The following MED20 variants were observed in gnomAD, a reference collection of about 807,000 sequenced individuals.
MED20 encodes the protein mediator of RNA polymerase II transcription subunit 20.
In MED20, 19 loss-of-function variants were observed where a neutral mutation model predicts 19.7. The observed-to-expected ratio is 0.96, with a 90% confidence interval of 0.67 to 1.42. The LOEUF (loss-of-function observed/expected upper bound fraction) is 1.42, where lower values mean the gene tolerates loss of function less well. MED20 is among the 40% of genes most tolerant of loss of function. The pLI is 0.00. For missense variants in MED20, 225 were observed against 273.0 expected (o/e 0.82, Z 1.24); for synonymous variants, 105 against 104.8 (o/e 1.00, Z -0.01).
At chr6:41,907,591 G>A (rs1034837976) in intron 3 of MED20, among the ~76,000 whole-genome samples, 1 of 152,124 alleles carries the variant, frequency 6.6e-6, no homozygotes, top group African/African-American at 2.4e-5. Context: ...GCTATGCTGG[G>A]TAAAGATTCA....
Position 41,906,259 on chromosome 6 carries a change from G to A in MED20, c.*813C>T, listed in dbSNP as rs1775044562. 6.6e-6 allele frequency: 1 copy of A among 152,152 alleles called. No homozygotes were observed. The highest frequency in any genetic ancestry group is 1.5e-5 in the Non-Finnish European group (1 of 68,042). 9.4% of individuals were successfully genotyped at this position (152,152 alleles called of 1,614,324 possible). ...CTTTTCTCTCTCTCTTTCCCCAGTG[G>A]AATGCAGATATGGAGCTGATGAGTC... On this transcript the variant is annotated 3_prime_UTR_variant, in exon 4 of 4. Transcript: ENST00000265350.
chr6:41,908,904 C>A, intron 3 of MED20: 1 of 304,300 alleles, frequency 3.3e-6, no homozygotes, highest in South Asian at 1.3e-4. Flanking sequence ...GACTGGAGGC[C>A]AGGTGTGTTG....
At position 41,909,477 on chromosome 6, in the gene MED20, G is replaced by A. The variant is rs1217284561; in HGVS notation, c.215C>T (p.Pro72Leu). 1 of 1,614,232 alleles carries A rather than the reference G, an allele frequency of 6.2e-7. No homozygotes were observed. The highest frequency in any genetic ancestry group is 1.7e-5 in the Admixed American group (1 of 60,020). ...LMYVMHNSEYPLSCFALFENG... is the reference protein window; with the variant it reads ...LMYVMHNSEYLLSCFALFENG... ...CTCAAAGAGGGCGAAACAGCTCAAT[G>A]GGTACTCTGAGTTGTGCATCACATA... The change falls in exon 3 of 4, where the codon CCA (proline) becomes CTA (leucine). Residue 72 changes from proline (P) to leucine (L), a missense_variant. Pro to Leu is a moderately conservative substitution (Grantham distance 98). Transcript: ENST00000265350.
At chr6:41,920,783 CAAA>C in intron 1 of MED20, 1 of 501,220 alleles carries the variant, frequency 2.0e-6, no homozygotes, top group Non-Finnish European at 3.4e-6. Context: ...AAAAACAAAA[CAAA>C]ACAAAAAAAA....
chr6:41,911,222 C>T (rs1775186990), intron 2 of MED20, among the ~76,000 whole-genome samples: 1 of 150,378 alleles, frequency 6.6e-6, no homozygotes, highest in Non-Finnish European at 1.5e-5. Flanking sequence ...GCAATCTTGG[C>T]TCACTGCAAC....
intron 2 of MED20, among the ~76,000 whole-genome samples, chr6:41,911,409 C>T (rs529296756): frequency 2.6e-5 from 4 of 152,122 alleles, no homozygotes; most frequent in East Asian, 2.0e-4. Context: ...CCTCAGCCTC[C>T]GAAAGGGCTG....
intron 2 of MED20, among the ~76,000 whole-genome samples, chr6:41,913,758 C>T (rs1462994705): frequency 6.6e-6 from 1 of 151,960 alleles, no homozygotes; most frequent in African/African-American, 2.4e-5. Flanking sequence ...ATGAGCCAGG[C>T]GTGGTGGAGC....
intron 3 of MED20, 98 bp from the exon 4 acceptor site, chr6:41,907,385 C>A: frequency 8.5e-7 from 1 of 1,182,088 alleles, no homozygotes; most frequent in Non-Finnish European, 1.2e-6. Context: ...TTCCCCAACC[C>A]CGAGCTAAAG....
intron 3 of MED20, 28 bp downstream of exon 3, chr6:41,909,241 C>T (rs764569027): frequency 6.2e-7 from 1 of 1,606,986 alleles, no homozygotes; most frequent in Non-Finnish European, 8.5e-7. Flanking sequence ...CTCAGAACAT[C>T]CTGCTCCTAT....
intron 2 of MED20, among the ~76,000 whole-genome samples, chr6:41,914,860 C>T (rs920352858): frequency 6.6e-6 from 1 of 152,074 alleles, no homozygotes; most frequent in African/African-American, 2.4e-5. Flanking sequence ...TGTAAGAAAA[C>T]GGGAACTCTA....
chr6:41,906,859 C>A lies in MED20; in HGVS notation c.*213G>T. On this transcript the variant is annotated 3_prime_UTR_variant, in exon 4 of 4. Transcript: ENST00000265350. Reference sequence around the variant, plus strand: ...AGGACAGGCCAAATCCAGTAAGGCACGGAGTAAAACAGCTGATGGGGGGCT... The same window carrying A: ...AGGACAGGCCAAATCCAGTAAGGCAAGGAGTAAAACAGCTGATGGGGGGCT... 1 of 560,590 alleles carries A rather than the reference C, an allele frequency of 1.8e-6. No individual in the cohort carries two copies. Among genetic ancestry groups the A allele is most frequent in the South Asian group, 2.3e-5 (1 of 43,082 alleles). The allele number at this position is 560,590 out of a possible 1,614,324, so 34.7% of individuals were successfully genotyped here.
chr6:41,919,053 C>T (rs1477093711), intron 1 of MED20, among the ~76,000 whole-genome samples: 7 of 145,084 alleles, frequency 4.8e-5, no homozygotes, highest in Admixed American at 1.5e-4. Context: ...GGCATGAACC[C>T]GGGAGGCGGA....
In MED20 at chr6:41,907,050, C is replaced by T; in HGVS notation, c.*22G>A. The T allele has an allele frequency of 1.9e-6, 3 of 1,610,120 alleles. No homozygotes were observed. The highest frequency in any genetic ancestry group is 1.1e-5 in the South Asian group (1 of 90,916). On this transcript the variant is annotated 3_prime_UTR_variant, in exon 4 of 4. Coordinates refer to ENST00000265350, the MANE Select transcript of MED20 (RefSeq NM_004275.5). ...CTGTGGAGTACCCCTGGTGACAGAG[C>T]TCAGCTGGCAGCTGCTCATCACTAA...
At chr6:41,910,072 T>TTG (rs1440050783) in intron 2 of MED20, among the ~76,000 whole-genome samples, 1 of 152,128 alleles carries the variant, frequency 6.6e-6, no homozygotes, top group East Asian at 1.9e-4. Flanking sequence ...ATCCAAGCTG[T>TTG]GATAGGTCTT....
intron 1 of MED20, among the ~76,000 whole-genome samples, chr6:41,919,677 G>C (rs1283876296): frequency 6.6e-6 from 1 of 152,102 alleles, no homozygotes; most frequent in Non-Finnish European, 1.5e-5. Context: ...TGTCTATAAT[G>C]CCAATACTTT....
At chr6:41,915,042 G>T (rs535060597) in intron 2 of MED20, among the ~76,000 whole-genome samples, 1 of 152,308 alleles carries the variant, frequency 6.6e-6, no homozygotes, top group Admixed American at 6.5e-5. Context: ...AGGAAATCTG[G>T]AACTCTAACA....
Position 41,909,380 on chromosome 6 carries a change from A to G in MED20, c.312T>C (p.Ser104=), listed in dbSNP as rs769187150. The change falls in exon 3 of 4, where the codon AGT becomes AGC. Residue 104 remains serine, a synonymous_variant. Transcript: ENST00000265350. ...GGGTCTCAATCTTGCTGGCCTTAGC[A>G]CTCTGGAAAAAGCCCTTGAGCTTCA... is the stretch of plus-strand genomic sequence containing the variant. The part of the protein sequence containing the change: ...LMVKLKGFFQ[S]AKASKIETRG... The G allele has an allele frequency of 1.9e-6, 3 of 1,614,056 alleles. No homozygotes were observed. Among genetic ancestry groups the G allele is most frequent in the Admixed American group, 1.7e-5 (1 of 60,002 alleles).
intron 2 of MED20, among the ~76,000 whole-genome samples, chr6:41,915,573 G>T (rs939178688): frequency 6.6e-6 from 1 of 152,102 alleles, no homozygotes; most frequent in Non-Finnish European, 1.5e-5. Flanking sequence ...GGATCACAAG[G>T]TCAGGAGATC....
At chr6:41,913,705 C>T (rs1278954845) in intron 2 of MED20, among the ~76,000 whole-genome samples, 1 of 152,154 alleles carries the variant, frequency 6.6e-6, no homozygotes, top group Non-Finnish European at 1.5e-5. Context: ...CAAGACCAGC[C>T]TGGCCAACAT....
Sources: allele counts gnomAD v4.1 joint callset (sites outside exome capture counted in the v4.1 genomes callset), GRCh38; gene constraint gnomAD v4.1.1; transcripts MANE v1.5; gene names NCBI Gene and HGNC (gene_info 2026-07-23, HGNC 2026-07-21).